Variants in IQGAP2 observed in about 807,000 individuals in gnomAD.
The protein encoded by IQGAP2 is IQ motif containing GTPase activating protein 2.
A neutral mutation model predicts 201.3 loss-of-function variants in IQGAP2; 173 were observed. The observed-to-expected ratio is 0.86, with a 90% CI of 0.76 to 0.98. The LOEUF is 0.98. Ranked by LOEUF, IQGAP2 falls within the 50% of genes least tolerant of loss-of-function variation. The pLI, the probability that IQGAP2 is intolerant of heterozygous loss-of-function variation, is 0.00. For synonymous variants in IQGAP2, 675 were observed against 673.9 expected, an observed-to-expected ratio of 1.00 and a Z score of -0.03; for missense variants, 1,687 against 1,864.8, an observed-to-expected ratio of 0.90 and a Z score of 1.76.
At chr5:76,696,821 A>G (rs1205945704) in intron 32 of IQGAP2, among the ~76,000 whole-genome samples, 1 of 152,232 alleles carries the variant, frequency 6.6e-6, no homozygotes, top group African/African-American at 2.4e-5. Flanking sequence ...ATGATATTCT[A>G]TTTAATGAAT....
chr5:76,676,155 AC>A (rs1465132909), intron 27 of IQGAP2, among the ~76,000 whole-genome samples: 8 of 151,774 alleles, frequency 5.3e-5, no homozygotes, highest in South Asian at 2.1e-4. Context: ...TTTCTCATGA[AC>A]TTTTAACTGC....
At chr5:76,408,368 C>T (rs573481921) in intron 1 of IQGAP2, among the ~76,000 whole-genome samples, 3 of 152,286 alleles carry the variant, frequency 2.0e-5, no homozygotes, top group South Asian at 2.1e-4. Flanking sequence ...ATCATCGGCT[C>T]ATTATGGCCT....
At chr5:76,450,296 A>G (rs563998287) in intron 1 of IQGAP2, among the ~76,000 whole-genome samples, 39 of 152,314 alleles carry the variant, frequency 2.6e-4, no homozygotes, top group Middle Eastern at 3.4e-3. Context: ...TTCCCACATC[A>G]GCCATTCCGT....
intron 2 of IQGAP2, among the ~76,000 whole-genome samples, chr5:76,467,137 A>G (rs145967041): frequency 0.014 from 2,163 of 152,312 alleles, 51 homozygotes; most frequent in African/African-American, 0.05. Flanking sequence ...CTGTAGTCCC[A>G]GCTACTCTGG....
chr5:76,617,895 A>C (rs1295471328), intron 13 of IQGAP2: 2 of 1,613,988 alleles, frequency 1.2e-6, no homozygotes, highest in Admixed American at 1.7e-5. Context: ...TGGAATTAAG[A>C]ATCCAAAGAA....
chr5:76,545,389 C>T (rs908196222), intron 2 of IQGAP2, among the ~76,000 whole-genome samples: 11 of 152,144 alleles, frequency 7.2e-5, no homozygotes, highest in Admixed American at 4.6e-4. Flanking sequence ...AAGGTTAAGC[C>T]GACACACCCT....
At chr5:76,645,519 C>G (rs1313607394) in intron 17 of IQGAP2, among the ~76,000 whole-genome samples, 2 of 152,136 alleles carry the variant, frequency 1.3e-5, no homozygotes, top group Non-Finnish European at 2.9e-5. Flanking sequence ...CTATTGTTTC[C>G]TGACGTTTTA....
intron 1 of IQGAP2, among the ~76,000 whole-genome samples, chr5:76,413,820 G>A (rs1244762569): frequency 2.0e-5 from 3 of 152,180 alleles, no homozygotes; most frequent in Non-Finnish European, 4.4e-5. Flanking sequence ...CTTGAAATGT[G>A]TTTGAATCTT....
intron 23 of IQGAP2, among the ~76,000 whole-genome samples, chr5:76,669,675 C>T (rs1744118971): frequency 6.6e-6 from 1 of 152,130 alleles, no homozygotes; most frequent in Non-Finnish European, 1.5e-5. Flanking sequence ...GTGGTGGAAA[C>T]AGCATGGGCA....
intron 33 of IQGAP2, chr5:76,699,636 TCTCTCTCTCTCTCTCTCTCTCTCTCA>T (rs1747107211): frequency 1.6e-4 from 18 of 115,392 alleles, no homozygotes; most frequent in East Asian, 1.5e-3. Context: ...TCTCTCTCTC[TCTCTCTCTCTCTCTCTCTCTCTCTCA>T]CTCTCGTGCT....
intron 32 of IQGAP2, among the ~76,000 whole-genome samples, 169 bp downstream of exon 32, chr5:76,695,835 C>CTTTTTTTTTTTTTTTTTT (rs56984768): frequency 1.2e-5 from 1 of 83,092 alleles, no homozygotes; most frequent in Non-Finnish European, 2.1e-5. Context: ...CAGTTGATGA[C>CTTTTTTTTTTTTTTTTTT]TTTTTTTTTT....
At chr5:76,693,243 T>G in intron 30 of IQGAP2, 112 bp from the exon 31 acceptor site, 1 of 634,610 alleles carries the variant, frequency 1.6e-6, no homozygotes, top group Non-Finnish European at 2.8e-6. Context: ...TTTTAAGGTA[T>G]TATCTTTGAA....
At chr5:76,507,679 T>G (rs968948338) in intron 2 of IQGAP2, among the ~76,000 whole-genome samples, 8 of 152,156 alleles carry the variant, frequency 5.3e-5, no homozygotes, top group Admixed American at 4.6e-4. Flanking sequence ...ATACAAATAA[T>G]TCTTAAAACT....
chr5:76,628,900 G>T (rs1045053894), intron 14 of IQGAP2: 5 of 305,696 alleles, frequency 1.6e-5, no homozygotes, highest in African/African-American at 1.1e-4. Context: ...GCCATGGTCT[G>T]AAGAGACAGT....
chr5:76,519,235 C>T (rs1222615578), intron 2 of IQGAP2, among the ~76,000 whole-genome samples: 1 of 152,226 alleles, frequency 6.6e-6, no homozygotes, highest in Non-Finnish European at 1.5e-5. Flanking sequence ...CAACCTTCCT[C>T]TACTCCAAAC....
intron 2 of IQGAP2, among the ~76,000 whole-genome samples, chr5:76,480,325 G>A (rs948472505): frequency 2.0e-5 from 3 of 152,128 alleles, no homozygotes; most frequent in African/African-American, 4.8e-5. Flanking sequence ...TCTCAAACAT[G>A]GCCCTTCTTT....
intron 30 of IQGAP2, among the ~76,000 whole-genome samples, chr5:76,687,271 A>G (rs1024048085): frequency 6.6e-6 from 1 of 152,246 alleles, no homozygotes; most frequent in Non-Finnish European, 1.5e-5. Flanking sequence ...CCAGTGATCA[A>G]TGTAGGTAAC....
rs144805046 is a variant in IQGAP2 at position 76,631,992 on chromosome 5, C to G, written c.1746C>G (p.Ala582=). 6.2e-7 allele frequency: 1 copy of G among 1,608,924 alleles called. No homozygotes were observed. The highest frequency in any genetic ancestry group is 1.1e-5 in the South Asian group (1 of 89,846). ...IPECADKYYD[A]LVKAKELKSE... ...AGTGTGCTGACAAATACTATGATGC[C>G]CTTGTGAAGGCAAAAGAGCTCAAAT... is the stretch of plus-strand genomic sequence containing the variant. The change falls in exon 15 of 36, where the codon GCC becomes GCG. Residue 582 remains alanine (A), a synonymous_variant. Coordinates refer to ENST00000274364, the MANE Select transcript of IQGAP2 (RefSeq NM_006633.5).
At chr5:76,588,024 C>T (rs752377966) in intron 5 of IQGAP2, among the ~76,000 whole-genome samples, 6 of 150,542 alleles carry the variant, frequency 4.0e-5, no homozygotes, top group Non-Finnish European at 7.4e-5. Flanking sequence ...ACTAATCATA[C>T]ATTTTAAGAG....
Sources: allele counts gnomAD v4.1 joint callset (sites outside exome capture counted in the v4.1 genomes callset), GRCh38; gene constraint gnomAD v4.1.1; transcripts MANE v1.5; gene names NCBI Gene and HGNC (gene_info 2026-07-23, HGNC 2026-07-21).